The following PRAME variants were observed in gnomAD, a reference collection of about 807,000 sequenced individuals.
PRAME encodes the protein melanoma antigen preferentially expressed in tumors.
PRAME carries 21 observed loss-of-function variants against 32.1 expected under a neutral mutation model. The ratio of observed to expected loss-of-function variants is 0.65; its 90% CI spans 0.46 to 0.94. The LOEUF (loss-of-function observed/expected upper bound fraction) is 0.94, where lower values mean the gene tolerates loss of function less well. Ranked by LOEUF, PRAME falls within the 40% of genes least tolerant of loss-of-function variation. The probability of loss-of-function intolerance (pLI) is 0.00; values close to 1 mark genes in which losing one functional copy is unlikely to be tolerated. For synonymous variants in PRAME, 274 were observed against 251.5 expected, an observed-to-expected ratio of 1.09 and a Z score of -0.85; for missense variants, 651 against 622.3, an observed-to-expected ratio of 1.05 and a Z score of -0.49.
chr22:22,548,265 G>C lies in PRAME; in HGVS notation c.1332C>G (p.Pro444=). Reference sequence around the variant, plus strand: ...CATGGATGTCCTCATAACTCTCCAGGGGGACAGGATACAGCACGTGGGTCA... The same window carrying C: ...CATGGATGTCCTCATAACTCTCCAGCGGGACAGGATACAGCACGTGGGTCA... ...SNLTHVLYPV[P]LESYEDIHGT... is the part of the protein sequence containing the mutation. The change falls in exon 6 of 6, where the codon CCC becomes CCG. Residue 444 remains proline, a synonymous_variant. Transcript: ENST00000405655. The C allele has an allele frequency of 6.2e-7, 1 of 1,613,842 alleles. No individual in the cohort carries two copies. The highest frequency in any genetic ancestry group is 8.5e-7 in the Non-Finnish European group (1 of 1,179,970).
rs1251547928 is a variant in PRAME, at chr22:22,547,938, G to C, written c.*129C>G. Reference sequence around the variant, plus strand: ...TTTGTCTGAATGTTTTTTCCTCACTGAACATGTTTTCCTCACTCACACTGA... The same window carrying C: ...TTTGTCTGAATGTTTTTTCCTCACTCAACATGTTTTCCTCACTCACACTGA... On this transcript the variant is annotated 3_prime_UTR_variant, in exon 6 of 6. Transcript: ENST00000405655. 1.9e-6 allele frequency: 2 copies of C among 1,049,002 alleles called. No individual in the cohort carries two copies. Among genetic ancestry groups the C allele is most frequent in the Non-Finnish European group, 2.8e-6 (2 of 717,608 alleles). The allele number at this position is 1,049,002 out of a possible 1,614,324, so 65.0% of individuals were successfully genotyped here.
rs2062538705 is a variant in PRAME, at chr22:22,551,091, T to C, written c.22-2A>G. 1.3e-6 allele frequency: 2 copies of C among 1,558,056 alleles called. No individual in the cohort carries two copies. Among genetic ancestry groups the C allele is most frequent in the Non-Finnish European group, 1.7e-6 (2 of 1,147,676 alleles). On this transcript the variant is annotated splice_acceptor_variant, in intron 3 of 5. Coordinates refer to ENST00000405655, the MANE Select transcript of PRAME (RefSeq NM_206956.3). LOFTEE classifies it high-confidence loss of function. ...GATGTATCGGCTCTGAATGGAACCCTGAGGAAACATACAGGGAACAAGGCA... is the reference window on the plus strand; with the variant it reads ...GATGTATCGGCTCTGAATGGAACCCCGAGGAAACATACAGGGAACAAGGCA...
In PRAME at chr22:22,550,821, A is replaced by C; in HGVS notation, c.290T>G (p.Phe97Cys). The C allele has an allele frequency of 6.2e-7, 1 of 1,611,566 alleles. No individual in the cohort carries two copies. The change falls in exon 4 of 6, where the codon TTC becomes TGC. Residue 97 changes from phenylalanine (F) to cysteine (C), a missense_variant. Transcript: ENST00000405655. ...MKGQHLHLETFKAVLDGLDVL... is the reference protein window; with the variant it reads ...MKGQHLHLETCKAVLDGLDVL... The stretch of plus-strand genomic sequence containing the variant: ...ATCAAGTCCATCAAGCACAGCTTTG[A>C]AGGTCTCCAGGTGAAGATGTTGTCC...
rs1407023671 is a variant in PRAME at position 22,550,253 on chromosome 22, A to G, written c.426T>C (p.Ser142=). The G allele has an allele frequency of 3.7e-6, 6 of 1,613,664 alleles. No individual in the cohort carries two copies. Among genetic ancestry groups the G allele is most frequent in the Non-Finnish European group, 2.5e-6 (3 of 1,179,976 alleles). Residue 142 remains serine (S), a synonymous_variant, in exon 5 of 6, where the codon AGT becomes AGC. Transcript: ENST00000405655. ...CTTCTGGCTCTGGAAATGAGTACAG[A>G]CTGGCCCTGTTTCCAGACCATACAG... ...FWTVWSGNRA[S]LYSFPEPEAA...
intron 3 of PRAME, among the ~76,000 whole-genome samples, chr22:22,551,844 T>C (rs1414532091): frequency 6.6e-6 from 1 of 151,870 alleles, no homozygotes. Flanking sequence ...TATGTATACA[T>C]TGTAGAATAG....
chr22:22,556,037 A>C (rs1463727513), intron 3 of PRAME: 1 of 378,996 alleles, frequency 2.6e-6, no homozygotes, highest in Non-Finnish European at 5.5e-6. Context: ...CTTGTTGCCC[A>C]GGCTAGAGTG....
chr22:22,551,371 C>T (rs1245512478), intron 3 of PRAME, among the ~76,000 whole-genome samples: 1 of 151,882 alleles, frequency 6.6e-6, no homozygotes, highest in Non-Finnish European at 1.5e-5. Context: ...TCTAGTCCCC[C>T]TGGGAAGTGA....
At chr22:22,551,245 CGGT>C (rs2062549857) in intron 3 of PRAME, among the ~76,000 whole-genome samples, 156 bp from the exon 4 acceptor site, 1 of 151,932 alleles carries the variant, frequency 6.6e-6, no homozygotes, top group South Asian at 2.1e-4. Context: ...ACTCTGCACT[CGGT>C]GGCCACAAAG....
At chr22:22,551,362 C>A (rs1194351052) in intron 3 of PRAME, among the ~76,000 whole-genome samples, 2 of 151,910 alleles carry the variant, frequency 1.3e-5, no homozygotes, top group Non-Finnish European at 2.9e-5. Context: ...CTATTTAATT[C>A]TAGTCCCCCT....
chr22:22,551,140 A>T, intron 3 of PRAME, 51 bp from the exon 4 acceptor site: 1 of 1,483,328 alleles, frequency 6.7e-7, no homozygotes, highest in Non-Finnish European at 9.1e-7. Context: ...AAGCATAAGC[A>T]ACTCTATCTT....
chr22:22,557,180 T>G (rs1370549838), intron 2 of PRAME: 1 of 375,508 alleles, frequency 2.7e-6, no homozygotes. Context: ...GCAGCGACAT[T>G]TCTGCCTCTG....
chr22:22,548,546 GCTGA>G lies in PRAME; in HGVS notation c.1047_1050del (p.Gln350Ter), dbSNP rs2062371706. 7 of 1,613,438 alleles carry G rather than the reference GCTGA, an allele frequency of 4.3e-6. No homozygotes were observed. The highest frequency in any genetic ancestry group is 5.9e-6 in the Non-Finnish European group (7 of 1,179,948). ...ACCCCACTTAGACTCAGGACACTTA[GCTGA>G]CTGACGCTGGGACTCTGGGACAGAT... On this transcript the variant is annotated frameshift_variant, in exon 6 of 6. Transcript: ENST00000405655. LOFTEE classifies it low-confidence loss of function (END_TRUNC).
At chr22:22,558,462 G>A (rs1316682452) in intron 1 of PRAME, among the ~76,000 whole-genome samples, 1 of 76,378 alleles carries the variant, frequency 1.3e-5, no homozygotes, top group Non-Finnish European at 2.7e-5. Context: ...CAGAGGTTGG[G>A]GGAGGGGTGG....
chr22:22,551,947 A>G (rs1383451544), intron 3 of PRAME, among the ~76,000 whole-genome samples: 2 of 151,674 alleles, frequency 1.3e-5, no homozygotes, highest in African/African-American at 4.8e-5. Flanking sequence ...TATACAATAC[A>G]TTATTAACTA....
chr22:22,553,884 G>A, intron 3 of PRAME: 1 of 985,134 alleles, frequency 1.0e-6, no homozygotes, highest in Non-Finnish European at 1.2e-6. Flanking sequence ...ACAAGCAGCA[G>A]GTCAGGCCTT....
At position 22,556,826 on chromosome 22, in the gene PRAME, G is replaced by A; in HGVS notation, c.7C>T (p.Arg3Ter). 1.2e-6 allele frequency: 2 copies of A among 1,612,850 alleles called. No homozygotes were observed. The highest frequency in any genetic ancestry group is 1.1e-5 in the South Asian group (1 of 91,068). ...GACCTTCTTACCCACAAACGCCTTC[G>A]TTCCATTTTGAAGCGACTTAGGCTG... The part of the protein sequence containing the change: ME[R>*]RRLWGSIQSR... Residue 3 changes from arginine to a stop codon, truncating the protein, a stop_gained, in exon 3 of 6, where the codon CGA (arginine) becomes TGA (stop). Transcript: ENST00000405655. LOFTEE classifies it high-confidence loss of function.
intron 3 of PRAME, among the ~76,000 whole-genome samples, chr22:22,554,999 G>A (rs2062820718): frequency 6.6e-6 from 1 of 151,996 alleles, no homozygotes; most frequent in African/African-American, 2.4e-5. Context: ...AGTGGCACTG[G>A]AGGAAGCAGC....
rs538189776 is a variant in PRAME at position 22,555,560 on chromosome 22, G to A, written c.21+1252C>T. 1.3e-4 allele frequency among the ~76,000 whole-genome samples: 20 copies of A among 151,662 alleles called. No individual in the cohort carries two copies. The South Asian group carries it at 1.7e-3, about 13-fold the overall frequency. On this transcript the variant is annotated intron_variant, in intron 3 of 5. Coordinates refer to ENST00000405655, the MANE Select transcript of PRAME (RefSeq NM_206956.3). ...GCCTCTTTTTCTTTTTTAGAGACAG[G>A]GTCTTACTATGTTTCCCAGACTGGT...
Position 22,549,845 on chromosome 22 carries a change from C to A in PRAME, c.834G>T (p.Pro278=). The A allele has an allele frequency of 6.2e-7, 1 of 1,613,736 alleles. No homozygotes were observed. Among genetic ancestry groups the A allele is most frequent in the Non-Finnish European group, 8.5e-7 (1 of 1,179,948 alleles). ...SHIHASSYIS[P]EKEEQYIAQF... ...GGGCGATATACTGCTCTTCCTTCTCCGGGGAAATGTAGGAAGATGCATGGA... is the reference window on the plus strand; with the variant it reads ...GGGCGATATACTGCTCTTCCTTCTCAGGGGAAATGTAGGAAGATGCATGGA... The change falls in exon 5 of 6, where the codon CCG becomes CCT. Residue 278 remains proline (P), a synonymous_variant. Coordinates refer to ENST00000405655, the MANE Select transcript of PRAME (RefSeq NM_206956.3).
Sources: gnomAD v4.1 joint callset for allele counts (sites outside exome capture counted in the v4.1 genomes callset) on GRCh38, gnomAD v4.1.1 for gene constraint, MANE v1.5 for transcripts, NCBI Gene and HGNC (gene_info 2026-07-23, HGNC 2026-07-21) for gene names.